Variants in KALRN observed in about 807,000 individuals in gnomAD.
The protein encoded by KALRN is kalirin RhoGEF kinase, also known as kalirin.
A neutral mutation model predicts 353.7 loss-of-function variants in KALRN; 70 were observed. That is an observed-to-expected ratio of 0.20 (90% CI 0.16 to 0.24). The LOEUF is 0.24. Among genes scored for constraint, KALRN ranks in the 10% least tolerant of loss-of-function variants. The pLI, the probability that KALRN is intolerant of heterozygous loss-of-function variation, is 1.00. For synonymous variants in KALRN, 1,391 were observed against 1,434.8 expected, an observed-to-expected ratio of 0.97 and a Z score of 0.69; for missense variants, 2,791 against 3,756.7, an observed-to-expected ratio of 0.74 and a Z score of 6.72.
chr3:124,557,429 G>A (rs1055013745), intron 33 of KALRN, among the ~76,000 whole-genome samples: 1 of 152,110 alleles, frequency 6.6e-6, no homozygotes, highest in Non-Finnish European at 1.5e-5. Context: ...TCATGTTAAG[G>A]GACATTACCT....
intron 33 of KALRN, among the ~76,000 whole-genome samples, chr3:124,539,110 G>A (rs1397930104): frequency 1.3e-5 from 2 of 152,208 alleles, no homozygotes; most frequent in Non-Finnish European, 2.9e-5. Flanking sequence ...GCAACTATGG[G>A]GATGTGATCT....
At chr3:124,575,991 C>T (rs183630469) in intron 34 of KALRN, among the ~76,000 whole-genome samples, 1 of 152,044 alleles carries the variant, frequency 6.6e-6, no homozygotes, top group Non-Finnish European at 1.5e-5. Flanking sequence ...ACCAGCCTGC[C>T]TCACTGAGCC....
At chr3:124,120,067 T>C (rs1325405909) in intron 1 of KALRN, among the ~76,000 whole-genome samples, 2 of 152,186 alleles carry the variant, frequency 1.3e-5, no homozygotes, top group African/African-American at 4.8e-5. Context: ...ACTTTCTTAG[T>C]TGTGGCTTAT....
At position 124,665,038 on chromosome 3, in the gene KALRN, T is replaced by C. The variant is rs150153597; in HGVS notation, c.6346-1411T>C. On this transcript the variant is annotated intron_variant, in intron 45 of 59. Transcript: ENST00000682506. Reference sequence around the variant, plus strand: ...AGATAAGCCTGTTTGGCTGCTGACATTGGCAGTAAGGAGCCATGATCCAGG... The same window carrying C: ...AGATAAGCCTGTTTGGCTGCTGACACTGGCAGTAAGGAGCCATGATCCAGG... Among the ~76,000 whole-genome samples the C allele has an allele frequency of 1.4e-3, 209 of 152,312 alleles. 1 individual carries two copies. The highest frequency in any genetic ancestry group is 1.0e-3 in the South Asian group (5 of 4,818).
chr3:124,526,574 C>CA (rs2067610295), intron 33 of KALRN, among the ~76,000 whole-genome samples: 1 of 151,718 alleles, frequency 6.6e-6, no homozygotes, highest in African/African-American at 2.4e-5. Context: ...GACTGTGTCT[C>CA]AAAAAATAAT....
chr3:124,232,964 G>A (rs767390255), intron 2 of KALRN, among the ~76,000 whole-genome samples: 13 of 152,058 alleles, frequency 8.5e-5, no homozygotes, highest in Non-Finnish European at 1.6e-4. Flanking sequence ...ATAATAAATG[G>A]TGAATAGGAA....
chr3:124,680,687 A>G (rs1376515040), intron 51 of KALRN, among the ~76,000 whole-genome samples: 1 of 152,252 alleles, frequency 6.6e-6, no homozygotes, highest in East Asian at 1.9e-4. Flanking sequence ...CCGGTAAGTC[A>G]GCTGCAGAAG....
chr3:124,653,659 C>T (rs540533086), intron 38 of KALRN, among the ~76,000 whole-genome samples: 105 of 152,292 alleles, frequency 6.9e-4, no homozygotes, highest in African/African-American at 2.5e-3. Flanking sequence ...ACAGCCAGTG[C>T]AATGAATCTA....
chr3:124,619,512 A>G (rs179689), intron 34 of KALRN, among the ~76,000 whole-genome samples: 99,000 of 134,840 alleles, frequency 0.73, 36,628 homozygotes, highest in East Asian at 0.87. Flanking sequence ...TTTGAGATAG[A>G]GTTTTACTCT....
intron 1 of KALRN, among the ~76,000 whole-genome samples, chr3:124,098,764 G>A (rs2061628618): frequency 6.6e-6 from 1 of 151,818 alleles, no homozygotes; most frequent in African/African-American, 2.4e-5. Context: ...ACCTTTTTAT[G>A]TCACCTTGCA....
chr3:124,523,435 G>A (rs1162534315), intron 33 of KALRN, among the ~76,000 whole-genome samples: 1 of 152,208 alleles, frequency 6.6e-6, no homozygotes, highest in Admixed American at 6.5e-5. Context: ...GTATTTTACG[G>A]AGAAAATGCT....
chr3:124,495,992 T>TATAC (rs2063758747), intron 32 of KALRN, among the ~76,000 whole-genome samples: 3 of 55,932 alleles, frequency 5.4e-5, no homozygotes, highest in African/African-American at 3.1e-4. Flanking sequence ...TATATATATA[T>TATAC]ATATATATAT....
intron 34 of KALRN, among the ~76,000 whole-genome samples, chr3:124,565,008 A>T (rs1367996539): frequency 2.0e-5 from 3 of 152,260 alleles, no homozygotes; most frequent in African/African-American, 7.2e-5. Flanking sequence ...GAGGGTCAGC[A>T]TGGAGACCTG....
Position 124,655,733 on chromosome 3 carries a change from C to G in KALRN, c.5862+66C>G, listed in dbSNP as rs2083942766. 6 of 1,154,000 alleles carry G rather than the reference C, an allele frequency of 5.2e-6. No homozygotes were observed. The Admixed American group carries it at 8.5e-5, about 16-fold the overall frequency. The allele number at this position is 1,154,000 out of a possible 1,614,324, so 71.5% of individuals were successfully genotyped here. On this transcript the variant is annotated intron_variant, in intron 39 of 59. Coordinates refer to ENST00000682506, the MANE Select transcript of KALRN (RefSeq NM_001388419.1). ...AGGAGCACGTTGGACCCTACCTAGG[C>G]CAAGGTGTTTTAATCTGATGGTTAC...
chr3:124,572,230 G>T (rs974945527), intron 34 of KALRN, among the ~76,000 whole-genome samples: 1 of 151,756 alleles, frequency 6.6e-6, no homozygotes, highest in East Asian at 2.0e-4. Context: ...GTGGAGGTGG[G>T]GGAAGGGCTG....
chr3:124,420,132 A>G (rs1203452161), intron 14 of KALRN, among the ~76,000 whole-genome samples: 1 of 152,214 alleles, frequency 6.6e-6, no homozygotes, highest in Non-Finnish European at 1.5e-5. Context: ...GTCTTCATCC[A>G]TTTTATTTCC....
intron 6 of KALRN, among the ~76,000 whole-genome samples, chr3:124,299,565 G>GT (rs57884587): frequency 3.3e-5 from 5 of 152,192 alleles, no homozygotes; most frequent in African/African-American, 1.2e-4. Context: ...AGAGAGGGAT[G>GT]TTTGCTAACT....
At chr3:124,264,761 C>A in intron 4 of KALRN, 71 bp downstream of exon 4, 1 of 1,317,246 alleles carries the variant, frequency 7.6e-7, no homozygotes, top group East Asian at 2.3e-5. Context: ...TTCTCACGTC[C>A]TCTTCTCTAT....
At chr3:124,196,331 T>C (rs1343534246) in intron 1 of KALRN, among the ~76,000 whole-genome samples, 6 of 152,216 alleles carry the variant, frequency 3.9e-5, no homozygotes, top group African/African-American at 2.4e-5. Flanking sequence ...TTACTGCTGT[T>C]ATTACAGATA....
Sources: gnomAD v4.1 joint callset for allele counts (sites outside exome capture counted in the v4.1 genomes callset) on GRCh38, gnomAD v4.1.1 for gene constraint, MANE v1.5 for transcripts, NCBI Gene and HGNC (gene_info 2026-07-23, HGNC 2026-07-21) for gene names.